Variants in ARSD observed in about 807,000 individuals in gnomAD.
ARSD encodes the protein testis tissue sperm-binding protein Li 39a.
In ARSD, 21 loss-of-function variants were observed where a neutral mutation model predicts 32.6. The ratio of observed to expected loss-of-function variants is 0.64; its 90% CI spans 0.46 to 0.93. The LOEUF (loss-of-function observed/expected upper bound fraction) is 0.93. Among genes scored for constraint, ARSD ranks in the 40% least tolerant of loss-of-function variants. The probability of loss-of-function intolerance (pLI) is 0.00; values close to 1 mark genes in which losing one functional copy is unlikely to be tolerated. For missense variants in ARSD, 454 were observed against 520.9 expected (o/e 0.87, Z 1.25); for synonymous variants, 224 against 237.4 (o/e 0.94, Z 0.52).
Position 2,917,834 on chromosome X carries a change from A to C in ARSD, c.833T>G (p.Met278Arg). 1.7e-6 allele frequency: 2 copies of C among 1,210,769 alleles called. No homozygotes were observed. Among genetic ancestry groups the C allele is most frequent in the Non-Finnish European group, 2.2e-6 (2 of 894,702 alleles). Residue 278 changes from methionine to arginine, a missense_variant, in exon 5 of 10, where the codon ATG (methionine) becomes AGG (arginine). By Grantham distance (91) the Met-to-Arg change is moderately conservative. Transcript: ENST00000381154. ...PMVLEKTASL[M>R]LKEAVSYIER... Reference sequence around the variant, plus strand: ...AATATAGGAAACAGCTTCCTTTAGCATAAGACTCGCTGTTTTCTCCAGAAC... The same window carrying C: ...AATATAGGAAACAGCTTCCTTTAGCCTAAGACTCGCTGTTTTCTCCAGAAC...
chrX:2,924,900 T>C (rs988683768), intron 2 of ARSD, among the ~76,000 whole-genome samples: 1 of 108,798 alleles, frequency 9.2e-6, no homozygotes. Flanking sequence ...GCAGGAAGGG[T>C]CCTCCCCTAC....
chrX:2,908,708 A>G lies in ARSD; in HGVS notation c.1420+13T>C. ...TCTCTGGACAACCCTGGCTGTGGGC[A>G]GCAGGTACTCACTGTCCTTCTGGTG... On this transcript the variant is annotated intron_variant, in intron 9 of 9. Transcript: ENST00000381154. 8.5e-7 allele frequency: 1 copy of G among 1,181,156 alleles called. No individual in the cohort carries two copies. The highest frequency in any genetic ancestry group is 1.1e-6 in the Non-Finnish European group (1 of 879,878).
rs760822527 is a variant in ARSD, at chrX:2,909,552, C to T, written c.1298+265G>A. On this transcript the variant is annotated intron_variant, in intron 8 of 9. Coordinates refer to ENST00000381154, the MANE Select transcript of ARSD (RefSeq NM_001669.4). The stretch of plus-strand genomic sequence containing the variant: ...GCCACATGGGTAAAGGAGATGGTGG[C>T]GCATGCCTGTAATCCCAGCTACTCG... 4.3e-3 allele frequency among the ~76,000 whole-genome samples: 462 copies of T among 108,536 alleles called. 4 individuals are homozygous for T. Among genetic ancestry groups the T allele is most frequent in the African/African-American group, 0.015 (443 of 29,791 alleles). 94.3% of individuals were successfully genotyped at this position (108,536 alleles called of 115,157 possible).
intron 4 of ARSD, among the ~76,000 whole-genome samples, chrX:2,919,972 G>A (rs757982894): frequency 5.8e-4 from 65 of 111,466 alleles, no homozygotes; most frequent in Non-Finnish European, 9.0e-4. Context: ...AATCACCCAT[G>A]AGCACAACTG....
Position 2,909,828 on chromosome X carries a change from C to T in ARSD, c.1287G>A (p.Val429=). The T allele has an allele frequency of 8.3e-7, 1 of 1,207,864 alleles. No individual in the cohort carries two copies. Among genetic ancestry groups the T allele is most frequent in the Non-Finnish European group, 1.1e-6 (1 of 893,272 alleles). Residue 429 remains valine (V), a synonymous_variant, in exon 8 of 10, where the codon GTG becomes GTA. Transcript: ENST00000381154. Reference sequence around the variant, plus strand: ...TTATCTCCACGTACCTGTCCTGGGGCACCTCGCCACCCACCAGCTGGACCA... The same window carrying T: ...TTATCTCCACGTACCTGTCCTGGGGTACCTCGCCACCCACCAGCTGGACCA... ...PTVVQLVGGE[V]PQDRVIDGHS...
At chrX:2,908,156 ATC>A (rs1026300068) in intron 9 of ARSD, among the ~76,000 whole-genome samples, 5 of 110,967 alleles carry the variant, frequency 4.5e-5, no homozygotes, top group Admixed American at 9.6e-5. Flanking sequence ...CCTATCATCT[ATC>A]TCTGTTTATC....
chrX:2,923,135 T>C (rs1196023039), intron 2 of ARSD: 1 of 188,812 alleles, frequency 5.3e-6, no homozygotes, highest in Non-Finnish European at 1.0e-5. Flanking sequence ...GGAGGAGTGT[T>C]AGCTGGGGCT....
Position 2,918,513 on chromosome X carries a change from G to C in ARSD, c.440-286C>G, listed in dbSNP as rs2088996066. On this transcript the variant is annotated intron_variant, in intron 4 of 9. Transcript: ENST00000381154. ...CGCCTGTAATCCCAGCCCTTTGGGA[G>C]GCCGAGGCGGGCGGATCACGAGGTC... 7.2e-5 allele frequency among the ~76,000 whole-genome samples: 8 copies of C among 111,862 alleles called. No homozygotes were observed. In the Admixed American group the frequency reaches 7.6e-4, roughly 11 times the overall value.
At position 2,909,943 on chromosome X, in the gene ARSD, C is replaced by T. The variant is rs142077893; in HGVS notation, c.1172G>A (p.Arg391His). ...CGGCCAGTGGAAGATCCCGGGCACG[C>T]GGATCCCACCTTCCCATCCTCCCAT... ...KGMGGWEGGIRVPGIFHWPGV... is the reference protein window; with the variant it reads ...KGMGGWEGGIHVPGIFHWPGV... Residue 391 changes from arginine to histidine, a missense_variant, in exon 8 of 10, where the codon CGC (arginine) becomes CAC (histidine). Arg to His is a conservative substitution (Grantham distance 29, BLOSUM62 0). This residue lies in a region of ARSD where 179 missense variants were observed against 198.5 expected (regional missense o/e 0.90). Coordinates refer to ENST00000381154, the MANE Select transcript of ARSD (RefSeq NM_001669.4). The T allele has an allele frequency of 1.4e-5, 17 of 1,208,315 alleles. No individual in the cohort carries two copies. In the African/African-American group the frequency reaches 1.4e-4, roughly 10 times the overall value.
At chrX:2,908,070 A>G (rs2088867403) in intron 9 of ARSD, 1 of 485,454 alleles carries the variant, frequency 2.1e-6, no homozygotes, top group Admixed American at 8.6e-5. Context: ...TTATCTATCA[A>G]TCCATCCATT....
chrX:2,907,732 A>G (rs2088864372), intron 9 of ARSD, 100 bp from the exon 10 acceptor site: 1 of 1,059,902 alleles, frequency 9.4e-7, no homozygotes, highest in Non-Finnish European at 1.2e-6. Context: ...GAACCTCCCT[A>G]TTCAGTGAAA....
intron 2 of ARSD, 21 bp from the exon 3 acceptor site, chrX:2,922,045 T>C (rs2089033944): frequency 8.5e-7 from 1 of 1,183,252 alleles, no homozygotes; most frequent in African/African-American, 1.8e-5. Context: ...CACACAAATG[T>C]CATTGTTGGA....
In ARSD at chrX:2,925,427, T is replaced by C. The variant is rs562055657; in HGVS notation, c.194+189A>G. ...TTTCCGTTGTTTTAAGCTACCCATTTTGTGGTAGTAATACATTCACCCCCT... is the reference window on the plus strand; with the variant it reads ...TTTCCGTTGTTTTAAGCTACCCATTCTGTGGTAGTAATACATTCACCCCCT... On this transcript the variant is annotated intron_variant, in intron 2 of 9. Transcript: ENST00000381154. Among the ~76,000 whole-genome samples, 20 of 112,813 alleles carry C rather than the reference T, an allele frequency of 1.8e-4. No individual in the cohort carries two copies. The South Asian group carries it at 7.3e-3, about 41-fold the overall frequency.
chrX:2,927,354 G>T (rs866148136), intron 1 of ARSD, among the ~76,000 whole-genome samples: 3 of 110,792 alleles, frequency 2.7e-5, no homozygotes, highest in Admixed American at 9.6e-5. Context: ...CCACCTCCAG[G>T]GTTCAAGCGA....
At position 2,910,702 on chromosome X, in the gene ARSD, T is replaced by C. The variant is rs139223242; in HGVS notation, c.1092A>G (p.Arg364=). 20 of 1,210,548 alleles carry C rather than the reference T, an allele frequency of 1.7e-5. No individual in the cohort carries two copies. The highest frequency in any genetic ancestry group is 2.2e-5 in the Non-Finnish European group (20 of 895,352). The part of the protein sequence containing the change: ...TSDHGGHLEA[R]DGHSQLGGWN... ...ATCCCCCTAACTGGCTGTGTCCATC[T>C]CTTGCCTCTAAATGTCCTCCATGGT... is the stretch of plus-strand genomic sequence containing the variant. The change falls in exon 7 of 10, where the codon AGA becomes AGG. Residue 364 remains arginine (R), a synonymous_variant. Coordinates refer to ENST00000381154, the MANE Select transcript of ARSD (RefSeq NM_001669.4).
chrX:2,920,823 C>T, intron 3 of ARSD, 100 bp from the exon 4 acceptor site: 13 of 1,021,361 alleles, frequency 1.3e-5, no homozygotes, highest in Middle Eastern at 3.9e-4. Context: ...TTTGTGCACC[C>T]GAGCCAGGCT....
At chrX:2,908,665 C>A in intron 9 of ARSD, 56 bp downstream of exon 9, 2 of 1,123,385 alleles carry the variant, frequency 1.8e-6, no homozygotes, top group Non-Finnish European at 1.2e-6. Context: ...CACATATCCA[C>A]ACATCCTATT....
In ARSD at chrX:2,925,662, C is replaced by T; in HGVS notation, c.148G>A (p.Asp50Asn). The T allele has an allele frequency of 8.3e-7, 1 of 1,210,698 alleles. No individual in the cohort carries two copies. Among genetic ancestry groups the T allele is most frequent in the Non-Finnish European group, 1.1e-6 (1 of 895,002 alleles). ...CAACCGAGATCCCCAGTGCCTAGATCATCCGCCATGATCAGTAGGATATTT... is the reference window on the plus strand; with the variant it reads ...CAACCGAGATCCCCAGTGCCTAGATTATCCGCCATGATCAGTAGGATATTT... ...KPNILLIMAD[D>N]LGTGDLGCYG... The change falls in exon 2 of 10, where the codon GAT becomes AAT. Residue 50 changes from aspartate (D) to asparagine (N), a missense_variant. Asp to Asn is a conservative substitution (Grantham distance 23). This residue lies in a region of ARSD where 271 missense variants were observed against 301.0 expected (regional missense o/e 0.90). Transcript: ENST00000381154.
chrX:2,914,419 G>T (rs1231273547), intron 6 of ARSD: 13 of 28,344 alleles, frequency 4.6e-4, no homozygotes, highest in South Asian at 2.7e-3. Context: ...TTGTAGAGAT[G>T]GGGGGGGGGG....
Sources: allele counts gnomAD v4.1 joint callset (sites outside exome capture counted in the v4.1 genomes callset), GRCh38; gene constraint gnomAD v4.1.1; regional missense constraint gnomAD v4.1.1; transcripts MANE v1.5; gene names NCBI Gene and HGNC (gene_info 2026-07-23, HGNC 2026-07-21).